The following LCTL variants were observed in gnomAD, a reference collection of about 807,000 sequenced individuals.
LCTL encodes lactase like.
Under a neutral mutation model 75.8 loss-of-function variants are expected in LCTL, and 76 were observed. That is an observed-to-expected ratio of 1.00 (90% CI 0.83 to 1.21). The LOEUF (loss-of-function observed/expected upper bound fraction) is 1.21, where lower values mean the gene tolerates loss of function less well. LCTL is among the 50% of genes most tolerant of loss of function. The pLI is 0.00. For synonymous variants in LCTL, 271 were observed against 268.8 expected, an observed-to-expected ratio of 1.01 and a Z score of -0.08; for missense variants, 670 against 712.4, an observed-to-expected ratio of 0.94 and a Z score of 0.68.
At chr15:66,560,859 C>G (rs1895867974) in intron 6 of LCTL, 147 bp downstream of exon 7, 4 of 668,292 alleles carry the variant, frequency 6.0e-6, no homozygotes, top group Non-Finnish European at 1.0e-5. Context: ...ACAGAACACG[C>G]CCTCCATAAA....
chr15:66,553,216 G>A (rs1311843192), exon 9 of LCTL: 9 of 1,601,654 alleles, frequency 5.6e-6, no homozygotes, highest in African/African-American at 4.0e-5. Flanking sequence ...TGAGAACACC[G>A]GTAACCTCGA....
intron 1 of LCTL, 34 bp from the exon 3 acceptor site, chr15:66,564,873 C>T: frequency 1.3e-6 from 2 of 1,593,692 alleles, no homozygotes; most frequent in Non-Finnish European, 1.7e-6. Flanking sequence ...GTCCCAGGTG[C>T]TCCCATGTGT....
At position 66,561,249 on chromosome 15, in the gene LCTL, TG is replaced by T; in HGVS notation, c.546del (p.Asn183ThrfsTer11). The T allele has an allele frequency of 6.2e-7, 1 of 1,614,210 alleles. No homozygotes were observed. Among genetic ancestry groups the T allele is most frequent in the Admixed American group, 1.7e-5 (1 of 60,028 alleles). On this transcript the variant is annotated frameshift_variant, in exon 5 of 13. Coordinates refer to ENST00000341509, the Ensembl canonical transcript of LCTL. LOFTEE classifies it high-confidence loss of function. ...TCCCCAAAGGCCTCAAAGCACAGGT[TG>T]GCGTAGTCTCTGAAGTAGTTGGCCA...
At chr15:66,564,158 C>T in intron 2 of LCTL, 160 bp from the exon 4 acceptor site, 1 of 620,020 alleles carries the variant, frequency 1.6e-6, no homozygotes, top group South Asian at 1.9e-5. Flanking sequence ...TGCCACCTGC[C>T]CACTTCATGC....
At chr15:66,558,115 C>T in intron 6 of LCTL, 79 bp from the exon 8 acceptor site, 2 of 1,264,346 alleles carry the variant, frequency 1.6e-6, no homozygotes, top group South Asian at 1.5e-5. Flanking sequence ...CCTTTCTTTG[C>T]TTCCTAACTT....
chr15:66,551,857 T>C, exon 11 of LCTL: 2 of 1,608,214 alleles, frequency 1.2e-6, no homozygotes, highest in African/African-American at 1.3e-5. Flanking sequence ...CACCATCTTT[T>C]ATAGCTGCAA....
intron 8 of LCTL, among the ~76,000 whole-genome samples, chr15:66,557,340 G>C (rs1173670229): frequency 6.6e-6 from 1 of 152,168 alleles, no homozygotes; most frequent in Non-Finnish European, 1.5e-5. Flanking sequence ...AGCTTGGAAA[G>C]TATTTCTCCA....
rs375456791 is a variant in LCTL, at chr15:66,563,901, C to T, written c.370+10G>A. Reference sequence around the variant, plus strand: ...CTCACTTGGGTTCAAGAGGGGCTTCCCTAGCTCACCTCGGATGCCTGTGGG... The same window carrying T: ...CTCACTTGGGTTCAAGAGGGGCTTCTCTAGCTCACCTCGGATGCCTGTGGG... On this transcript the variant is annotated intron_variant, in intron 3 of 12. Coordinates refer to ENST00000341509, the Ensembl canonical transcript of LCTL. 3 of 1,612,124 alleles carry T rather than the reference C, an allele frequency of 1.9e-6. No individual in the cohort carries two copies. The highest frequency in any genetic ancestry group is 1.3e-5 in the African/African-American group (1 of 74,890).
At position 66,554,829 on chromosome 15, in the gene LCTL, A is replaced by G. The variant is rs58637966; in HGVS notation, c.923-1571T>C. On this transcript the variant is annotated intron_variant, in intron 8 of 12. Transcript: ENST00000341509. ...AGGTTTCAGTGAAAAAAAAAGCTTC[A>G]GAATGTTGCGTGTAATCATAAGCAC... is the stretch of plus-strand genomic sequence containing the variant. Among the ~76,000 whole-genome samples, 439 of 152,302 alleles carry G rather than the reference A, an allele frequency of 2.9e-3. 2 individuals are homozygous for G. Among genetic ancestry groups the G allele is most frequent in the African/African-American group, 0.01 (425 of 41,564 alleles).
chr15:66,564,039 G>T, intron 2 of LCTL, 41 bp from the exon 4 acceptor site: 1 of 1,327,448 alleles, frequency 7.5e-7, no homozygotes, highest in Non-Finnish European at 1.1e-6. Flanking sequence ...CCTGGGCCCT[G>T]GGTATGGGAG....
intron 7 of LCTL, 30 bp from the exon 9 acceptor site, chr15:66,557,913 G>A: frequency 6.2e-7 from 1 of 1,612,116 alleles, no homozygotes; most frequent in Non-Finnish European, 8.5e-7. Context: ...AAGGGAGTGG[G>A]GAGTGGGCAT....
exon 13 of LCTL, chr15:66,547,572 T>A (rs889527094): frequency 4.6e-5 from 7 of 152,150 alleles, no homozygotes; most frequent in African/African-American, 1.7e-4. Flanking sequence ...AAGACGATAT[T>A]GAGTTACCTA....
exon 9 of LCTL, chr15:66,553,079 A>C: frequency 6.2e-7 from 1 of 1,608,928 alleles, no homozygotes; most frequent in Non-Finnish European, 8.5e-7. Flanking sequence ...AGCTCTATCA[A>C]GTCACGATCG....
intron 6 of LCTL, among the ~76,000 whole-genome samples, chr15:66,560,697 A>G (rs1484673598): frequency 6.6e-6 from 1 of 151,776 alleles, no homozygotes; most frequent in Non-Finnish European, 1.5e-5. Context: ...GAAGATTTTA[A>G]CCCCTGGCTC....
At chr15:66,558,681 G>A (rs961894010) in intron 6 of LCTL, among the ~76,000 whole-genome samples, 3 of 91,006 alleles carry the variant, frequency 3.3e-5, no homozygotes, top group Middle Eastern at 5.7e-3. Flanking sequence ...GTGTGTGTGT[G>A]TGTGTGTTTT....
chr15:66,562,423 G>C (rs977988924), intron 4 of LCTL, among the ~76,000 whole-genome samples: 27 of 149,220 alleles, frequency 1.8e-4, no homozygotes, highest in Non-Finnish European at 3.1e-4. Flanking sequence ...AAAAACAAAA[G>C]AAAGAAAATA....
chr15:66,557,960 C>T (rs1337701570), intron 7 of LCTL, 22 bp downstream of exon 8: 10 of 1,606,884 alleles, frequency 6.2e-6, no homozygotes, highest in East Asian at 2.2e-5. Context: ...GTCCTGGGTA[C>T]ATGTGTGGGG....
At chr15:66,551,608 G>A in intron 11 of LCTL, 54 bp downstream of exon 12, 5 of 1,423,454 alleles carry the variant, frequency 3.5e-6, no homozygotes, top group Non-Finnish European at 4.9e-6. Context: ...GTGTGTTCCA[G>A]CTATCTAGCT....
At chr15:66,564,885 A>T (rs529238057) in intron 1 of LCTL, 46 bp from the exon 3 acceptor site, 1 of 1,574,334 alleles carries the variant, frequency 6.4e-7, no homozygotes. Context: ...CCCATGTGTC[A>T]CCCAGAGCCA....
Sources: gnomAD v4.1 joint callset for allele counts (sites outside exome capture counted in the v4.1 genomes callset) on GRCh38, gnomAD v4.1.1 for gene constraint, MANE v1.5 for transcripts, NCBI Gene and HGNC (gene_info 2026-07-23, HGNC 2026-07-21) for gene names.